Variants in CAST observed in about 807,000 individuals in gnomAD.
CAST encodes MIR583 host.
CAST carries 76 observed loss-of-function variants against 119.6 expected under a neutral mutation model. The observed-to-expected ratio is 0.64, with a 90% CI of 0.53 to 0.77. CAST has a LOEUF of 0.77. Among genes scored for constraint, CAST ranks in the 30% least tolerant of loss-of-function variants. The pLI, the probability that CAST is intolerant of heterozygous loss-of-function variation, is 0.00. For synonymous variants in CAST, 319 were observed against 331.6 expected, an observed-to-expected ratio of 0.96 and a Z score of 0.41; for missense variants, 953 against 946.5, an observed-to-expected ratio of 1.01 and a Z score of -0.09.
the CAST span, among the ~76,000 whole-genome samples, chr5:96,081,356 A>G: frequency 1.3e-5 from 2 of 152,230 alleles, no homozygotes; most frequent in African/African-American, 4.8e-5. Context: ...ATCCAGGTGG[A>G]GAGACCTGAG....
the CAST span, chr5:95,961,780 CGCG>C: frequency 6.6e-7 from 1 of 1,505,718 alleles, no homozygotes; most frequent in East Asian, 2.6e-5. Context: ...CCACTGCGGC[CGCG>C]GCTGCTTGGG....
the CAST span, among the ~76,000 whole-genome samples, chr5:96,186,810 CTT>C: frequency 1.3e-5 from 2 of 152,068 alleles, no homozygotes; most frequent in Non-Finnish European, 1.5e-5. Flanking sequence ...CTGAAGCTTT[CTT>C]TTTTTGTTGT....
At chr5:96,183,653 T>G in the CAST span, among the ~76,000 whole-genome samples, 5 of 152,202 alleles carry the variant, frequency 3.3e-5, no homozygotes, top group African/African-American at 1.2e-4. Flanking sequence ...ATTCAAAAAC[T>G]TGGTTTAAGT....
the CAST span, among the ~76,000 whole-genome samples, chr5:96,056,585 G>A: frequency 6.6e-6 from 1 of 152,144 alleles, no homozygotes; most frequent in Admixed American, 6.6e-5. Flanking sequence ...ATTGGTTAGA[G>A]CTTTGTGCCA....
chr5:96,370,780 A>G, the CAST span, among the ~76,000 whole-genome samples: 1 of 152,252 alleles, frequency 6.6e-6, no homozygotes, highest in African/African-American at 2.4e-5. Flanking sequence ...CATGTAAAGC[A>G]AATCCACAAG....
the CAST span, among the ~76,000 whole-genome samples, chr5:96,019,334 T>G: frequency 4.6e-5 from 7 of 152,222 alleles, no homozygotes; most frequent in African/African-American, 1.7e-4. Flanking sequence ...TATCAGCACG[T>G]ATGATTTCTA....
chr5:96,226,668 TA>T, the CAST span, among the ~76,000 whole-genome samples: 5 of 151,548 alleles, frequency 3.3e-5, no homozygotes, highest in Admixed American at 1.3e-4. Flanking sequence ...AAAAAAGATT[TA>T]AAAAAAAATC....
At chr5:96,683,859 C>T (rs2150272297) in intron 2 of CAST, among the ~76,000 whole-genome samples, 1 of 152,260 alleles carries the variant, frequency 6.6e-6, no homozygotes, top group African/African-American at 2.4e-5. Context: ...TCCTAAGATA[C>T]AAATTCAGTT....
intron 8 of CAST, among the ~76,000 whole-genome samples, chr5:96,729,982 C>G (rs1377634906): frequency 3.3e-5 from 5 of 152,040 alleles, no homozygotes; most frequent in Admixed American, 2.6e-4. Flanking sequence ...CCAGCAATAA[C>G]CAGCTGTGAC....
chr5:96,008,195 T>C, the CAST span, among the ~76,000 whole-genome samples: 15 of 152,330 alleles, frequency 9.8e-5, no homozygotes, highest in East Asian at 2.9e-3. Flanking sequence ...CTCCAACTTC[T>C]CCAGTTTTTT....
the CAST span, among the ~76,000 whole-genome samples, chr5:96,425,012 GAAAGAAAGAAA>G: frequency 1.5e-4 from 3 of 19,758 alleles, no homozygotes; most frequent in Middle Eastern, 0.071. Flanking sequence ...AGAAAGAAAA[GAAAGAAAGAAA>G]GAAAGAAAGA....
chr5:96,552,383 A>G (rs1746150438), intron 1 of CAST, among the ~76,000 whole-genome samples: 1 of 152,256 alleles, frequency 6.6e-6, no homozygotes, highest in Non-Finnish European at 1.5e-5. Context: ...GAACAAAGAT[A>G]CAACGTACCA....
chr5:96,579,526 A>G (rs1034279773), intron 1 of CAST, among the ~76,000 whole-genome samples: 3 of 152,130 alleles, frequency 2.0e-5, no homozygotes, highest in Admixed American at 2.0e-4. Flanking sequence ...GAGAGAAATG[A>G]GCCAACTTGG....
chr5:96,338,247 T>A, the CAST span, among the ~76,000 whole-genome samples: 4 of 152,238 alleles, frequency 2.6e-5, no homozygotes, highest in Non-Finnish European at 5.9e-5. Flanking sequence ...TTTATGCACT[T>A]CAAATTTCAG....
At chr5:96,186,384 A>G in the CAST span, among the ~76,000 whole-genome samples, 114,268 of 151,988 alleles carry the variant, frequency 0.75, 43,185 homozygotes, top group East Asian at 0.84. Context: ...CCAATACTAC[A>G]TTGGGTAGGA....
At chr5:96,413,015 G>A in the CAST span, 5 of 953,204 alleles carry the variant, frequency 5.2e-6, no homozygotes, top group Non-Finnish European at 6.2e-6. Context: ...GCCACACAAG[G>A]ACTCTGGACA....
At chr5:96,662,778 G>A (rs1379875419) in intron 1 of CAST, among the ~76,000 whole-genome samples, 1 of 152,242 alleles carries the variant, frequency 6.6e-6, no homozygotes, top group Admixed American at 6.5e-5. Flanking sequence ...GGGTGAATGA[G>A]GATGAGGATG....
At chr5:96,358,590 C>T in the CAST span, among the ~76,000 whole-genome samples, 4 of 151,970 alleles carry the variant, frequency 2.6e-5, 1 homozygote. Flanking sequence ...CATTATTTAC[C>T]CAGTAGTCAT....
chr5:96,548,634 C>G (rs1408232238), intron 1 of CAST, among the ~76,000 whole-genome samples: 1 of 152,080 alleles, frequency 6.6e-6, no homozygotes, highest in African/African-American at 2.4e-5. Context: ...CAAATCAAAA[C>G]CCCCAATGAC....
Sources: gnomAD v4.1 joint callset for allele counts (sites outside exome capture counted in the v4.1 genomes callset) on GRCh38, gnomAD v4.1.1 for gene constraint, MANE v1.5 for transcripts, NCBI Gene and HGNC (gene_info 2026-07-23, HGNC 2026-07-21) for gene names.